Variants in GRIK3 observed in about 807,000 individuals in gnomAD.
GRIK3 encodes the protein glutamate ionotropic receptor kainate type subunit 3.
A neutral mutation model predicts 102.5 loss-of-function variants in GRIK3; 29 were observed. That is an observed-to-expected ratio of 0.28 (90% CI 0.21 to 0.39). The LOEUF is 0.39. Ranked by LOEUF, GRIK3 falls within the 10% of genes least tolerant of loss-of-function variation. The pLI is 1.00. For missense variants in GRIK3, 908 were observed against 1,252.4 expected (o/e 0.73, Z 4.15); for synonymous variants, 511 against 504.9 (o/e 1.01, Z -0.16).
chr1:36,901,492 C>T (rs1557719030), intron 1 of GRIK3, among the ~76,000 whole-genome samples: 1 of 152,284 alleles, frequency 6.6e-6, no homozygotes, highest in East Asian at 1.9e-4. Flanking sequence ...TCCAACACCC[C>T]ATTAATGATA....
At chr1:36,958,646 CCAATGAGCCTGTGT>C (rs1370923469) in intron 1 of GRIK3, among the ~76,000 whole-genome samples, 73 of 124,694 alleles carry the variant, frequency 5.9e-4, no homozygotes, top group East Asian at 9.5e-4. Context: ...GACTGTGTGC[CCAATGAGCCTGTGT>C]CCCGTGAGCC....
At chr1:36,853,574 C>T (rs765397797) in intron 8 of GRIK3, 41 bp downstream of exon 8, 7 of 1,321,518 alleles carry the variant, frequency 5.3e-6, no homozygotes, top group African/African-American at 2.9e-5. Flanking sequence ...TTAAGAAGCC[C>T]CTGCTCCTCC....
chr1:36,912,685 TCCTGGG>T (rs1641359119), intron 1 of GRIK3, among the ~76,000 whole-genome samples: 2 of 152,016 alleles, frequency 1.3e-5, no homozygotes, highest in African/African-American at 4.8e-5. Flanking sequence ...CTGTGCTGAG[TCCTGGG>T]CCCCACTCTC....
intron 1 of GRIK3, among the ~76,000 whole-genome samples, chr1:36,964,044 T>A (rs1035273959): frequency 1.3e-5 from 2 of 152,186 alleles, no homozygotes; most frequent in Non-Finnish European, 2.9e-5. Flanking sequence ...ACCGTGGTCA[T>A]GAAGACCCCA....
In GRIK3 at chr1:36,806,293, C is replaced by T; in HGVS notation, c.2125G>A (p.Ala709Thr). The change falls in exon 14 of 16, where the codon GCC becomes ACC. Residue 709 changes from alanine (A) to threonine (T), a missense_variant. Ala to Thr is a moderately conservative substitution (Grantham distance 58). Coordinates refer to ENST00000373091, the MANE Select transcript of GRIK3 (RefSeq NM_000831.4). The surrounding 1 kb of genome is among the most constrained non-coding windows in gnomAD (Gnocchi z 4.0). ...SKISTFEKMW[A>T]FMSSKPSALV... Reference sequence around the variant, plus strand: ...GCCGATGGCTTGCTGCTCATGAAGGCCCACATCTTCTCGAAGGTGGAGATC... The same window carrying T: ...GCCGATGGCTTGCTGCTCATGAAGGTCCACATCTTCTCGAAGGTGGAGATC... 6.2e-7 allele frequency: 1 copy of T among 1,613,950 alleles called. No individual in the cohort carries two copies. The highest frequency in any genetic ancestry group is 8.5e-7 in the Non-Finnish European group (1 of 1,179,842).
intron 1 of GRIK3, among the ~76,000 whole-genome samples, chr1:36,952,010 C>A (rs974221831): frequency 6.6e-6 from 1 of 152,168 alleles, no homozygotes; most frequent in Admixed American, 6.5e-5. Flanking sequence ...CAGTCAGCCA[C>A]CTCAGCCCAC....
At chr1:36,845,256 C>T (rs942129690) in intron 9 of GRIK3, among the ~76,000 whole-genome samples, 2 of 152,214 alleles carry the variant, frequency 1.3e-5, no homozygotes, top group Admixed American at 6.5e-5. Flanking sequence ...CTCTCGGCTG[C>T]TAATCGATTG....
intron 1 of GRIK3, among the ~76,000 whole-genome samples, chr1:36,928,523 C>T (rs766158681): frequency 1.7e-4 from 26 of 152,338 alleles, no homozygotes; most frequent in Non-Finnish European, 2.8e-4. Flanking sequence ...TGCAAAACCA[C>T]TGTCTGACAA....
At position 36,880,731 on chromosome 1, in the gene GRIK3, G is replaced by A. The variant is rs77655365; in HGVS notation, c.453C>T (p.Asn151=). 2,044 of 1,614,114 alleles carry A rather than the reference G, an allele frequency of 1.3e-3. 24 individuals are homozygous for A. In the African/African-American group the frequency reaches 0.025, roughly 20 times the overall value. Residue 151 remains asparagine (N), a synonymous_variant, in exon 3 of 16, where the codon AAC becomes AAT. Transcript: ENST00000373091. This position sits in a 1 kb window ranked among gnomAD's most constrained non-coding sequence, Gnocchi z 5.4. ...PLDNKDTFYV[N]LYPDYASLSH... is the part of the protein sequence containing the mutation. Reference sequence around the variant, plus strand: ...TGAGCGAGGCGTAGTCGGGGTAGAGGTTCACGTAGAAGGTGTCCTTGTTGT... The same window carrying A: ...TGAGCGAGGCGTAGTCGGGGTAGAGATTCACGTAGAAGGTGTCCTTGTTGT...
intron 12 of GRIK3, among the ~76,000 whole-genome samples, chr1:36,818,725 G>T (rs987488184): frequency 6.6e-6 from 1 of 152,318 alleles, no homozygotes; most frequent in African/African-American, 2.4e-5. Flanking sequence ...TCATTCATTT[G>T]GTGTTTACTG....
At chr1:36,925,306 C>T (rs1641515466) in intron 1 of GRIK3, among the ~76,000 whole-genome samples, 1 of 152,206 alleles carries the variant, frequency 6.6e-6, no homozygotes, top group Admixed American at 6.5e-5. Context: ...ACAACCAAAC[C>T]CACAACAGCA....
At chr1:36,825,331 T>C (rs944837105) in intron 11 of GRIK3, among the ~76,000 whole-genome samples, 1 of 152,098 alleles carries the variant, frequency 6.6e-6, no homozygotes, top group Non-Finnish European at 1.5e-5. Context: ...AGCCTGCCAA[T>C]GGGACCTGAG....
chr1:36,972,365 A>G (rs962955901), intron 1 of GRIK3, among the ~76,000 whole-genome samples: 1 of 152,226 alleles, frequency 6.6e-6, no homozygotes. Flanking sequence ...TGATTCCAGC[A>G]TCTTGGAAGC....
At chr1:36,867,900 G>A (rs952380876) in intron 5 of GRIK3, among the ~76,000 whole-genome samples, 2 of 152,090 alleles carry the variant, frequency 1.3e-5, no homozygotes, top group Non-Finnish European at 2.9e-5. Flanking sequence ...GTGGGGGGTC[G>A]TTGAGTTGGT....
chr1:36,903,457 G>A (rs1333997623), intron 1 of GRIK3, among the ~76,000 whole-genome samples: 1 of 152,206 alleles, frequency 6.6e-6, no homozygotes, highest in Non-Finnish European at 1.5e-5. Context: ...AAGTGCAATG[G>A]CACTCCTTCG....
chr1:36,802,037 G>A lies in GRIK3; in HGVS notation c.2574C>T (p.Phe858=), dbSNP rs1308729788. Residue 858 remains phenylalanine, a synonymous_variant, in exon 16 of 16, where the codon TTC becomes TTT. Transcript: ENST00000373091. ...GGATCTCATCGGCCACGGTGCTGCA[G>A]AAGGAACGCTGCAGGAGGGTGGAGG... The part of the protein sequence containing the change: ...RKTAEREQRS[F]CSTVADEIRF... 1.9e-6 allele frequency: 3 copies of A among 1,610,462 alleles called. No individual in the cohort carries two copies. The highest frequency in any genetic ancestry group is 2.5e-6 in the Non-Finnish European group (3 of 1,178,268).
chr1:36,977,118 G>A (rs1642204058), intron 1 of GRIK3, among the ~76,000 whole-genome samples: 1 of 152,192 alleles, frequency 6.6e-6, no homozygotes, highest in Non-Finnish European at 1.5e-5. Flanking sequence ...GGTAGATGTG[G>A]ATTCAAATCC....
intron 1 of GRIK3, among the ~76,000 whole-genome samples, chr1:37,024,210 A>G (rs1245525263): frequency 6.6e-6 from 1 of 152,196 alleles, no homozygotes; most frequent in Non-Finnish European, 1.5e-5. Flanking sequence ...TCATCTTTTG[A>G]TGCCATGCTG....
chr1:36,881,518 A>T (rs1449818567), intron 2 of GRIK3, among the ~76,000 whole-genome samples: 2 of 151,890 alleles, frequency 1.3e-5, no homozygotes, highest in Non-Finnish European at 2.9e-5. Context: ...CTCATATCCC[A>T]CACCCCAATT....
Sources: allele counts gnomAD v4.1 joint callset (sites outside exome capture counted in the v4.1 genomes callset), GRCh38; gene constraint gnomAD v4.1.1; non-coding constraint Gnocchi (gnomAD v3.1); transcripts MANE v1.5; gene names NCBI Gene and HGNC (gene_info 2026-07-23, HGNC 2026-07-21).